Variants in NFX1 observed in about 807,000 individuals in gnomAD.
The protein encoded by NFX1 is transcriptional repressor NF-X1.
In NFX1, 69 loss-of-function variants were observed where a neutral mutation model predicts 137.2. The ratio of observed to expected loss-of-function variants is 0.50; its 90% confidence interval spans 0.41 to 0.61. The LOEUF (loss-of-function observed/expected upper bound fraction) is 0.61, where lower values mean the gene tolerates loss of function less well. Ranked by LOEUF, NFX1 falls within the 20% of genes least tolerant of loss-of-function variation. The pLI is 0.00. For synonymous variants in NFX1, 495 were observed against 474.1 expected, an observed-to-expected ratio of 1.04 and a Z score of -0.57; for missense variants, 1,167 against 1,391.0, an observed-to-expected ratio of 0.84 and a Z score of 2.56.
chr9:33,356,288 G>A lies in NFX1; in HGVS notation c.2873+1396G>A, dbSNP rs945716216. Among the ~76,000 whole-genome samples the A allele has an allele frequency of 5.9e-5, 9 of 152,278 alleles. No homozygotes were observed. The East Asian group carries it at 1.7e-3, about 29-fold the overall frequency. On this transcript the variant is annotated intron_variant, in intron 19 of 23. Coordinates refer to ENST00000379540, the MANE Select transcript of NFX1 (RefSeq NM_002504.6). ...CATTGGATAGCCTCATTTTTGAAGT[G>A]CCTGTACAAGTCCTTTGCTTATTTT...
chr9:33,307,055 G>T, intron 4 of NFX1, 139 bp from the exon 5 acceptor site: 1 of 530,728 alleles, frequency 1.9e-6, no homozygotes, highest in Non-Finnish European at 3.3e-6. Flanking sequence ...TTTATTTTAA[G>T]ATATGGGATA....
At chr9:33,305,270 C>A (rs1156821276) in intron 4 of NFX1, among the ~76,000 whole-genome samples, 1 of 152,152 alleles carries the variant, frequency 6.6e-6, no homozygotes. Context: ...TTAAGAGAAG[C>A]CTTCTTGGAG....
intron 10 of NFX1, among the ~76,000 whole-genome samples, chr9:33,330,778 G>C (rs913195602): frequency 6.6e-5 from 10 of 152,128 alleles, no homozygotes; most frequent in African/African-American, 2.4e-4. Flanking sequence ...AAAGCTATGT[G>C]TAAGTTGAAT....
At chr9:33,355,044 G>GA in intron 19 of NFX1, 152 bp downstream of exon 19, 1 of 728,760 alleles carries the variant, frequency 1.4e-6, no homozygotes, top group African/African-American at 1.8e-5. Context: ...ACCAAGAATT[G>GA]AATTGTCTTA....
intron 11 of NFX1, chr9:33,332,756 G>C: frequency 2.5e-6 from 1 of 397,138 alleles, no homozygotes. Flanking sequence ...TAGTGGGTAG[G>C]TAGAAGAATG....
chr9:33,311,566 T>G (rs1236124821), intron 6 of NFX1, among the ~76,000 whole-genome samples: 1 of 152,186 alleles, frequency 6.6e-6, no homozygotes, highest in African/African-American at 2.4e-5. Flanking sequence ...GATTTTTTTT[T>G]TTTTGAGACG....
At chr9:33,292,060 C>T (rs1351298622) in intron 1 of NFX1, among the ~76,000 whole-genome samples, 1 of 152,214 alleles carries the variant, frequency 6.6e-6, no homozygotes. Context: ...TATTGATCGT[C>T]TCATCCACAG....
chr9:33,335,452 C>T (rs576988977), intron 11 of NFX1, among the ~76,000 whole-genome samples: 6 of 152,098 alleles, frequency 3.9e-5, no homozygotes, highest in Non-Finnish European at 5.9e-5. Flanking sequence ...AGGCTGGTCT[C>T]GAACTCCTGG....
intron 21 of NFX1, 182 bp downstream of exon 21, chr9:33,364,956 G>A (rs1824128183): frequency 7.1e-7 from 1 of 1,407,808 alleles, no homozygotes; most frequent in East Asian, 2.7e-5. Context: ...GCCTGTCCTG[G>A]TTCAGGACAG....
intron 11 of NFX1, among the ~76,000 whole-genome samples, chr9:33,337,250 C>T (rs1047981298): frequency 6.6e-6 from 1 of 152,146 alleles, no homozygotes. Flanking sequence ...TACATCTGTA[C>T]TGAACATGTA....
At chr9:33,308,673 A>T (rs1821849561) in intron 5 of NFX1, among the ~76,000 whole-genome samples, 1 of 152,212 alleles carries the variant, frequency 6.6e-6, no homozygotes, top group Non-Finnish European at 1.5e-5. Flanking sequence ...TAGTAATAAT[A>T]ACACTTATAG....
chr9:33,357,404 A>AT (rs2118663006), intron 19 of NFX1, among the ~76,000 whole-genome samples: 1 of 152,224 alleles, frequency 6.6e-6, no homozygotes, highest in Non-Finnish European at 1.5e-5. Context: ...CACTGTCTTA[A>AT]TTACTGTACC....
At chr9:33,303,124 A>T (rs1821633076) in intron 3 of NFX1, 67 bp from the exon 4 acceptor site, 1 of 1,273,952 alleles carries the variant, frequency 7.8e-7, no homozygotes, top group South Asian at 1.2e-5. Context: ...TATAGATTTA[A>T]ATTTTTTTAA....
chr9:33,355,042 T>C (rs1397448904), intron 19 of NFX1, 150 bp downstream of exon 19: 2 of 725,924 alleles, frequency 2.8e-6, no homozygotes, highest in Non-Finnish European at 2.3e-6. Flanking sequence ...TTACCAAGAA[T>C]TGAATTGTCT....
chr9:33,357,171 G>A (rs879902559), intron 19 of NFX1, among the ~76,000 whole-genome samples: 88 of 151,800 alleles, frequency 5.8e-4, no homozygotes, highest in African/African-American at 7.5e-4. Flanking sequence ...GCATGGTGGC[G>A]GGCACTTGTA....
intron 19 of NFX1, 80 bp downstream of exon 19, chr9:33,354,972 G>A (rs1823763909): frequency 7.3e-6 from 10 of 1,363,852 alleles, no homozygotes; most frequent in Admixed American, 1.8e-5. Flanking sequence ...CCCTTCAAAC[G>A]TCATTCACTC....
intron 9 of NFX1, among the ~76,000 whole-genome samples, chr9:33,321,273 G>A (rs747279188): frequency 5.9e-5 from 9 of 152,162 alleles, no homozygotes; most frequent in Non-Finnish European, 1.2e-4. Context: ...TAAGGGATAA[G>A]AGGGTACCTG....
chr9:33,301,456 C>T (rs1821562757), intron 3 of NFX1, 35 bp downstream of exon 3: 1 of 1,598,882 alleles, frequency 6.3e-7, no homozygotes, highest in Middle Eastern at 1.7e-4. Context: ...AGTTATTCTC[C>T]CCTATTTGAT....
chr9:33,331,315 A>G (rs1822798460), intron 10 of NFX1, among the ~76,000 whole-genome samples: 1 of 152,218 alleles, frequency 6.6e-6, no homozygotes, highest in Non-Finnish European at 1.5e-5. Flanking sequence ...ATTTCTTAAA[A>G]CTTCAAAGGT....
Sources: allele counts gnomAD v4.1 joint callset (sites outside exome capture counted in the v4.1 genomes callset), GRCh38; gene constraint gnomAD v4.1.1; transcripts MANE v1.5; gene names NCBI Gene and HGNC (gene_info 2026-07-23, HGNC 2026-07-21).